The following MEIS1 variants were observed in gnomAD, a reference collection of about 807,000 sequenced individuals.
MEIS1 encodes Meis homeobox 1.
In MEIS1, 5 loss-of-function variants were observed where a neutral mutation model predicts 50.8. That is an observed-to-expected ratio of 0.10 (90% CI 0.05 to 0.21). The LOEUF is 0.21. Among genes scored for constraint, MEIS1 ranks in the 10% least tolerant of loss-of-function variants. The pLI is 1.00. For synonymous variants in MEIS1, 176 were observed against 179.3 expected (o/e 0.98, Z 0.15); for missense variants, 318 against 517.3 (o/e 0.61, Z 3.74).
chr2:66,560,666 T>G (rs1675191411), intron 9 of MEIS1, among the ~76,000 whole-genome samples: 1 of 152,160 alleles, frequency 6.6e-6, no homozygotes, highest in Non-Finnish European at 1.5e-5. Flanking sequence ...TTCAGTTCTT[T>G]CTAAAGTAAT....
chr2:66,554,796 G>C (rs993155292), intron 9 of MEIS1, among the ~76,000 whole-genome samples: 4 of 152,102 alleles, frequency 2.6e-5, no homozygotes, highest in Non-Finnish European at 5.9e-5. Flanking sequence ...TTGATAAGGA[G>C]ACAAACAGAG....
At chr2:66,457,148 G>A (rs1418714231) in intron 6 of MEIS1, among the ~76,000 whole-genome samples, 2 of 143,450 alleles carry the variant, frequency 1.4e-5, no homozygotes, top group African/African-American at 2.7e-5. Flanking sequence ...ATTTTGCTTA[G>A]TGATTTCTAG....
chr2:66,568,427 C>T, intron 10 of MEIS1: 3 of 402,514 alleles, frequency 7.5e-6, no homozygotes, highest in Non-Finnish European at 1.4e-5. Context: ...CCAGACAAAA[C>T]CCAAGCAGAA....
intron 7 of MEIS1, among the ~76,000 whole-genome samples, chr2:66,478,988 T>A (rs1229730971): frequency 6.6e-6 from 1 of 152,246 alleles, no homozygotes; most frequent in Non-Finnish European, 1.5e-5. Flanking sequence ...GCAATATTCA[T>A]TCAGAACTGA....
intron 8 of MEIS1, among the ~76,000 whole-genome samples, chr2:66,539,204 T>C (rs1674590873): frequency 6.6e-6 from 1 of 152,120 alleles, no homozygotes; most frequent in African/African-American, 2.4e-5. Context: ...CTCTTGTATA[T>C]AAGCTACTAT....
intron 9 of MEIS1, 122 bp from the exon 10 acceptor site, chr2:66,567,331 C>A: frequency 1.0e-6 from 1 of 981,380 alleles, no homozygotes; most frequent in Non-Finnish European, 1.6e-6. Flanking sequence ...ATGGAGAGAA[C>A]TGAAGGAGTC....
intron 7 of MEIS1, among the ~76,000 whole-genome samples, chr2:66,509,557 G>C (rs1316220775): frequency 6.6e-6 from 1 of 152,232 alleles, no homozygotes; most frequent in Non-Finnish European, 1.5e-5. Flanking sequence ...AGAGGTCACT[G>C]CCAGGGACTG....
intron 6 of MEIS1, among the ~76,000 whole-genome samples, chr2:66,452,519 C>T (rs1439804353): frequency 1.3e-5 from 2 of 151,768 alleles, no homozygotes; most frequent in East Asian, 1.9e-4. Context: ...TTTCATAGCT[C>T]CAGATGCAAA....
intron 9 of MEIS1, among the ~76,000 whole-genome samples, chr2:66,559,633 T>C (rs551013049): frequency 6.6e-6 from 1 of 152,302 alleles, no homozygotes; most frequent in South Asian, 2.1e-4. Flanking sequence ...TTTTCATTAG[T>C]AGAGGAAGTT....
rs1427699962 is a variant in MEIS1 at position 66,435,696 on chromosome 2, G to A, written c.-161G>A. The stretch of plus-strand genomic sequence containing the variant: ...CAGGTCCCGTAGACCGAAGATCTGG[G>A]ACCAGTAGCTCACGTTGCTGGAGAC... On this transcript the variant is annotated 5_prime_UTR_variant, in exon 1 of 13. Coordinates refer to ENST00000272369, the MANE Select transcript of MEIS1 (RefSeq NM_002398.3). 1.3e-5 allele frequency: 8 copies of A among 614,766 alleles called. No homozygotes were observed. The highest frequency in any genetic ancestry group is 2.2e-5 in the Non-Finnish European group (8 of 368,782). 38.1% of individuals were successfully genotyped at this position (614,766 alleles called of 1,614,324 possible). A position where few individuals can be genotyped will look rare whatever the true frequency, so the allele number is the denominator to read the frequency against.
At chr2:66,563,990 A>C (rs1194090176) in intron 9 of MEIS1, among the ~76,000 whole-genome samples, 1 of 152,226 alleles carries the variant, frequency 6.6e-6, no homozygotes, top group African/African-American at 2.4e-5. Flanking sequence ...ATAGATGTCC[A>C]TCATGACCCC....
chr2:66,516,988 T>C (rs531288579), intron 8 of MEIS1, among the ~76,000 whole-genome samples: 1 of 152,190 alleles, frequency 6.6e-6, no homozygotes, highest in Non-Finnish European at 1.5e-5. Flanking sequence ...TAGGAAAAGA[T>C]AGAAGGACTT....
intron 7 of MEIS1, among the ~76,000 whole-genome samples, chr2:66,502,518 AC>A (rs1236678806): frequency 1.3e-5 from 2 of 152,124 alleles, no homozygotes; most frequent in Non-Finnish European, 2.9e-5. Flanking sequence ...CAGTCATTTC[AC>A]CCCCATCCAA....
intron 8 of MEIS1, among the ~76,000 whole-genome samples, chr2:66,521,422 A>G (rs1674118911): frequency 6.7e-6 from 1 of 150,054 alleles, no homozygotes; most frequent in South Asian, 2.1e-4. Context: ...AATTTTCTTT[A>G]TGGAGATAGA....
At chr2:66,472,671 T>C (rs1467351726) in intron 7 of MEIS1, among the ~76,000 whole-genome samples, 1 of 152,066 alleles carries the variant, frequency 6.6e-6, no homozygotes, top group African/African-American at 2.4e-5. Flanking sequence ...AAACACAGCG[T>C]GGTGGGTATT....
chr2:66,451,040 C>T (rs1573132550), intron 6 of MEIS1, among the ~76,000 whole-genome samples: 2 of 151,844 alleles, frequency 1.3e-5, no homozygotes, highest in African/African-American at 2.4e-5. Flanking sequence ...GGTTTGTTTT[C>T]GTGAGAAAAT....
At chr2:66,552,976 G>T (rs1558561323) in intron 9 of MEIS1, among the ~76,000 whole-genome samples, 1 of 152,060 alleles carries the variant, frequency 6.6e-6, no homozygotes, top group African/African-American at 2.4e-5. Context: ...TTGAATATTA[G>T]ACACAGATTG....
At position 66,435,769 on chromosome 2, in the gene MEIS1, CG is replaced by C. The variant is rs1558516886; in HGVS notation, c.-83del. The C allele has an allele frequency of 5.1e-6, 2 of 394,900 alleles. No individual in the cohort carries two copies. The highest frequency in any genetic ancestry group is 8.1e-6 in the Non-Finnish European group (2 of 246,468). The allele number at this position is 394,900 out of a possible 1,614,324, so 24.5% of individuals were successfully genotyped here. On this transcript the variant is annotated 5_prime_UTR_variant, in exon 1 of 13. Transcript: ENST00000272369. ...TTTTTTTTTTTTTTTTTTTTTTTTC[CG>C]GGGGAGTTTGAATATTTGTTTCTTT...
At chr2:66,537,532 A>G (rs529743254) in intron 8 of MEIS1, among the ~76,000 whole-genome samples, 42 of 152,216 alleles carry the variant, frequency 2.8e-4, no homozygotes, top group Admixed American at 5.2e-4. Flanking sequence ...CGAATTCTCC[A>G]TCTCATTCTC....
Sources: gnomAD v4.1 joint callset for allele counts (sites outside exome capture counted in the v4.1 genomes callset) on GRCh38, gnomAD v4.1.1 for gene constraint, MANE v1.5 for transcripts, NCBI Gene and HGNC (gene_info 2026-07-23, HGNC 2026-07-21) for gene names.